The following MEGF10 variants were observed in gnomAD, a reference collection of about 807,000 sequenced individuals.
MEGF10 encodes multiple EGF like domains 10, also known as multiple epidermal growth factor-like domains protein 10.
A neutral mutation model predicts 147.5 loss-of-function variants in MEGF10; 86 were observed. That is an observed-to-expected ratio of 0.58 (90% CI 0.49 to 0.70). The LOEUF (loss-of-function observed/expected upper bound fraction) is 0.70, where lower values mean the gene tolerates loss of function less well. MEGF10 is among the 30% of genes least tolerant of loss of function. MEGF10 has a pLI of 0.00. For synonymous variants in MEGF10, 478 were observed against 525.5 expected (o/e 0.91, Z 1.24); for missense variants, 1,329 against 1,487.3 (o/e 0.89, Z 1.75).
At chr5:127,260,749 T>C in the MEGF10 span, among the ~76,000 whole-genome samples, 1 of 151,856 alleles carries the variant, frequency 6.6e-6, no homozygotes, top group East Asian at 1.9e-4. Context: ...TCGAGCAGAG[T>C]GGATTTTAAC....
At position 127,394,066 on chromosome 5, in the gene MEGF10, C is replaced by G. The variant is rs149362087; in HGVS notation, c.413-2466C>G. Among the ~76,000 whole-genome samples, 832 of 152,210 alleles carry G rather than the reference C, an allele frequency of 5.5e-3. 8 individuals are homozygous for G. Among genetic ancestry groups the G allele is most frequent in the African/African-American group, 0.019 (802 of 41,540 alleles). ...CATGGGGGAAAATTCTGTAATAACC[C>G]ACCGTGATTTTTAAAAGTGTTTTGA... On this transcript the variant is annotated intron_variant, in intron 5 of 24. Coordinates refer to ENST00000503335, the MANE Select transcript of MEGF10 (RefSeq NM_001256545.2).
At chr5:127,303,157 CA>C (rs1759847394) in intron 1 of MEGF10, among the ~76,000 whole-genome samples, 1 of 151,880 alleles carries the variant, frequency 6.6e-6, no homozygotes, top group South Asian at 2.1e-4. Context: ...GCCAACATGG[CA>C]AAACCCAGTC....
intron 19 of MEGF10, 46 bp from the exon 20 acceptor site, chr5:127,445,411 A>T (rs747602698): frequency 7.5e-6 from 11 of 1,457,914 alleles, no homozygotes; most frequent in Non-Finnish European, 1.1e-5. Context: ...TCAAACGTTT[A>T]TCCAGCACAT....
At chr5:127,348,495 A>T (rs537994762) in intron 4 of MEGF10, among the ~76,000 whole-genome samples, 1 of 152,262 alleles carries the variant, frequency 6.6e-6, no homozygotes, top group South Asian at 2.1e-4. Flanking sequence ...AGGTCACCCA[A>T]ATATGCTAAC....
At chr5:127,305,316 C>A (rs2126722796) in intron 1 of MEGF10, among the ~76,000 whole-genome samples, 1 of 152,208 alleles carries the variant, frequency 6.6e-6, no homozygotes, top group South Asian at 2.1e-4. Context: ...AGTTATTGAA[C>A]AATTGGCCTC....
intron 18 of MEGF10, 106 bp downstream of exon 18, chr5:127,440,973 T>C: frequency 7.0e-7 from 1 of 1,421,380 alleles, no homozygotes; most frequent in East Asian, 2.3e-5. Flanking sequence ...CCGAGGTTGT[T>C]TGAGCTGATG....
chr5:127,230,283 G>A, the MEGF10 span, among the ~76,000 whole-genome samples: 1 of 152,048 alleles, frequency 6.6e-6, no homozygotes, highest in Non-Finnish European at 1.5e-5. Context: ...AGGGAAAGGG[G>A]TGGAGCTGGA....
Position 127,342,854 on chromosome 5 carries a change from T to C in MEGF10, c.319+2224T>C, listed in dbSNP as rs556920417. Among the ~76,000 whole-genome samples, 17 of 152,248 alleles carry C rather than the reference T, an allele frequency of 1.1e-4. 1 individual carries two copies. The South Asian group carries it at 3.5e-3, about 32-fold the overall frequency. On this transcript the variant is annotated intron_variant, in intron 4 of 24. Coordinates refer to ENST00000503335, the MANE Select transcript of MEGF10 (RefSeq NM_001256545.2). Reference sequence around the variant, plus strand: ...ACTGCAATATTTTTTCCTTTAGATATGCTAATATATTTAATCAGCTTACTC... The same window carrying C: ...ACTGCAATATTTTTTCCTTTAGATACGCTAATATATTTAATCAGCTTACTC...
At chr5:127,239,243 A>G in the MEGF10 span, among the ~76,000 whole-genome samples, 1 of 151,764 alleles carries the variant, frequency 6.6e-6, no homozygotes, top group South Asian at 2.1e-4. Context: ...AAACAGCTAT[A>G]CAGGATGTTA....
intron 4 of MEGF10, among the ~76,000 whole-genome samples, chr5:127,363,709 C>G (rs1414983478): frequency 1.3e-5 from 2 of 152,092 alleles, no homozygotes; most frequent in East Asian, 3.8e-4. Context: ...TTTGTACTTG[C>G]CCTTAAATGA....
At chr5:127,266,636 C>T in the MEGF10 span, among the ~76,000 whole-genome samples, 3 of 152,136 alleles carry the variant, frequency 2.0e-5, no homozygotes, top group African/African-American at 4.8e-5. Flanking sequence ...AGGTCCTTCA[C>T]ATCCCTTGTA....
intron 1 of MEGF10, among the ~76,000 whole-genome samples, chr5:127,305,490 T>C (rs1759972426): frequency 6.6e-6 from 1 of 152,130 alleles, no homozygotes; most frequent in African/African-American, 2.4e-5. Flanking sequence ...GAGTGATGAC[T>C]GTGCCTGAAC....
Position 127,348,164 on chromosome 5 carries a change from G to A in MEGF10, c.319+7534G>A, listed in dbSNP as rs74700292. 8.9e-3 allele frequency among the ~76,000 whole-genome samples: 1,351 copies of A among 152,126 alleles called. 25 individuals carry two copies. The highest frequency in any genetic ancestry group is 0.031 in the African/African-American group (1,281 of 41,528). ...AATTCTTTATCACGAATATCAAACT[G>A]ACTTGCTAAACTATGCACCATGATC... On this transcript the variant is annotated intron_variant, in intron 4 of 24. Coordinates refer to ENST00000503335, the MANE Select transcript of MEGF10 (RefSeq NM_001256545.2).
chr5:127,324,357 C>A (rs369064697), intron 1 of MEGF10, among the ~76,000 whole-genome samples: 3 of 152,130 alleles, frequency 2.0e-5, no homozygotes, highest in African/African-American at 7.2e-5. Context: ...TTTGAAGTTT[C>A]TTTCTCTAAT....
At chr5:127,230,352 C>A in the MEGF10 span, among the ~76,000 whole-genome samples, 1 of 151,986 alleles carries the variant, frequency 6.6e-6, no homozygotes, top group African/African-American at 2.4e-5. Context: ...GGTGTTGAAA[C>A]CCCGGTGTCC....
chr5:127,392,139 A>T (rs1454804775), intron 5 of MEGF10, among the ~76,000 whole-genome samples: 1 of 152,218 alleles, frequency 6.6e-6, no homozygotes, highest in East Asian at 1.9e-4. Flanking sequence ...CTGCATTTCG[A>T]AGGCTGGGGA....
chr5:127,421,639 A>C (rs2126976895), intron 12 of MEGF10, among the ~76,000 whole-genome samples: 1 of 152,300 alleles, frequency 6.6e-6, no homozygotes, highest in African/African-American at 2.4e-5. Context: ...GGGAGGAGCA[A>C]GGAGGTGTGT....
At position 127,331,313 on chromosome 5, in the gene MEGF10, T is replaced by C. The variant is rs1448614026; in HGVS notation, c.5T>C (p.Val2Ala). The stretch of plus-strand genomic sequence containing the variant: ...TAGGTTGTTCTTCAGAAAAAAATGG[T>C]TATTTCTTTGAACTCATGCCTGAGC... M[V>A]ISLNSCLSFI... Residue 2 changes from valine (V) to alanine (A), a missense_variant, in exon 2 of 25, where the codon GTT (valine) becomes GCT (alanine). Transcript: ENST00000503335. 6.3e-7 allele frequency: 1 copy of C among 1,597,108 alleles called. No individual in the cohort carries two copies.
chr5:127,350,764 A>AT (rs1366399683), intron 4 of MEGF10, among the ~76,000 whole-genome samples: 1 of 151,970 alleles, frequency 6.6e-6, no homozygotes, highest in Non-Finnish European at 1.5e-5. Flanking sequence ...TTGTATATAT[A>AT]TTTTTTTCAT....
Sources: gnomAD v4.1 joint callset for allele counts (sites outside exome capture counted in the v4.1 genomes callset) on GRCh38, gnomAD v4.1.1 for gene constraint, MANE v1.5 for transcripts, NCBI Gene and HGNC (gene_info 2026-07-23, HGNC 2026-07-21) for gene names.